Variants in CTC1 observed in about 807,000 individuals in gnomAD.
CTC1 encodes the protein CST telomere replication complex component 1.
CTC1 carries 91 observed loss-of-function variants against 136.3 expected under a neutral mutation model. The ratio of observed to expected loss-of-function variants is 0.67; its 90% CI spans 0.56 to 0.79. The LOEUF is 0.79. CTC1 is among the 30% of genes least tolerant of loss of function. The pLI is 0.00. For synonymous variants in CTC1, 606 were observed against 613.8 expected (o/e 0.99, Z 0.19); for missense variants, 1,432 against 1,498.1 (o/e 0.96, Z 0.73).
chr17:8,242,543 AAAAAAAAAAAAT>A (rs1489501226), intron 2 of CTC1, among the ~76,000 whole-genome samples: 39 of 85,780 alleles, frequency 4.5e-4, no homozygotes, highest in Middle Eastern at 5.3e-3. Flanking sequence ...GAAAAAAAAA[AAAAAAAAAAAAT>A]ATATATATAT....
rs1987936499 is a variant in CTC1 at position 8,238,481 on chromosome 17, T to C, written c.346A>G (p.Thr116Ala). Residue 116 changes from threonine to alanine, a missense_variant, in exon 3 of 23, where the codon ACA becomes GCA. Physicochemically the swap from Thr to Ala is moderately conservative, Grantham distance 58. Transcript: ENST00000651323. ...AAGTCTGCCGATAGGTCTGTTAGTGTCCCTAAAAGTAACAGCTGCTCTCGG... is the reference window on the plus strand; with the variant it reads ...AAGTCTGCCGATAGGTCTGTTAGTGCCCCTAAAAGTAACAGCTGCTCTCGG... Reference protein sequence around the residue: ...LPREQLLLLGTLTDLSADLEQ... With the variant: ...LPREQLLLLGALTDLSADLEQ... The C allele has an allele frequency of 6.2e-7, 1 of 1,614,090 alleles. No homozygotes were observed. The highest frequency in any genetic ancestry group is 1.7e-5 in the Admixed American group (1 of 60,008).
In CTC1 at chr17:8,226,318, A is replaced by T. The variant is rs1029174066; in HGVS notation, c.*1862T>A. ...ACTAAGCCACGGCGCCGAAGCTGCC[A>T]TAAAGGTTCCTGAAATTCATCTACA... On this transcript the variant is annotated 3_prime_UTR_variant, in exon 23 of 23. Transcript: ENST00000651323. 2.6e-5 allele frequency: 4 copies of T among 152,258 alleles called. No individual in the cohort carries two copies. The highest frequency in any genetic ancestry group is 7.2e-5 in the African/African-American group (3 of 41,450). The allele number at this position is 152,258 out of a possible 1,614,324, so 9.4% of individuals were successfully genotyped here.
rs756221416 is a variant in CTC1, at chr17:8,236,067, T to C, written c.1068A>G (p.Leu356=). 14 of 1,613,466 alleles carry C rather than the reference T, an allele frequency of 8.7e-6. No individual in the cohort carries two copies. The highest frequency in any genetic ancestry group is 3.3e-5 in the Admixed American group (2 of 59,986). The change falls in exon 6 of 23, where the codon CTA becomes CTG. Residue 356 remains leucine, a synonymous_variant. Transcript: ENST00000651323. ...PESLVRYSRL[L]SYSGAVTGVL... is the part of the protein sequence containing the mutation. ...CTCTCCCTGTGCTCACCGAATAGGATAGGAGTCTAGAATACCGGACAAGAC... is the reference window on the plus strand; with the variant it reads ...CTCTCCCTGTGCTCACCGAATAGGACAGGAGTCTAGAATACCGGACAAGAC...
Position 8,238,231 on chromosome 17 carries a change from C to T in CTC1, c.447G>A (p.Leu149=), listed in dbSNP as rs2151530784. The change falls in exon 4 of 23, where the codon CTG becomes CTA. Residue 149 remains leucine (L), a synonymous_variant. Coordinates refer to ENST00000651323, the MANE Select transcript of CTC1 (RefSeq NM_025099.6). ...TGVLSCELID[L]DLSWLGHLFL... is the part of the protein sequence containing the mutation. ...AAAGATGGCCCAACCAAGAAAGGTC[C>T]AGGTCTATGAGCTAAGAAAGACCAA... The T allele has an allele frequency of 6.2e-7, 1 of 1,606,892 alleles. No individual in the cohort carries two copies. Among genetic ancestry groups the T allele is most frequent in the East Asian group, 2.2e-5 (1 of 44,748 alleles).
intron 18 of CTC1, among the ~76,000 whole-genome samples, 187 bp downstream of exon 18, chr17:8,229,704 A>G (rs952198269): frequency 6.6e-6 from 1 of 152,212 alleles, no homozygotes; most frequent in African/African-American, 2.4e-5. Flanking sequence ...CTAGAACACT[A>G]AATGATTCTG....
chr17:8,245,054 CA>C (rs1313056357), intron 1 of CTC1, among the ~76,000 whole-genome samples: 1 of 152,136 alleles, frequency 6.6e-6, no homozygotes, highest in Non-Finnish European at 1.5e-5. Context: ...AACAGAAAAC[CA>C]AATACTGCAT....
Position 8,236,238 on chromosome 17 carries a change from C to T in CTC1, c.897G>A (p.Trp299Ter), listed in dbSNP as rs1377355470. The change falls in exon 6 of 23, where the codon TGG becomes TGA. Residue 299 changes from tryptophan (W) to a stop codon, truncating the protein, a stop_gained. Coordinates refer to ENST00000651323, the MANE Select transcript of CTC1 (RefSeq NM_025099.6). LOFTEE classifies it high-confidence loss of function. ...SKIRGQRQHV[W>*]MTSQSSRLLL... Reference sequence around the variant, plus strand: ...ACAGACGGGAGGACTGACTGGTCATCCAAACATGCTGGCGCTGACCACGGA... The same window carrying T: ...ACAGACGGGAGGACTGACTGGTCATTCAAACATGCTGGCGCTGACCACGGA... 9 of 1,614,116 alleles carry T rather than the reference C, an allele frequency of 5.6e-6. No individual in the cohort carries two copies. Among genetic ancestry groups the T allele is most frequent in the Non-Finnish European group, 7.6e-6 (9 of 1,180,054 alleles).
rs201891953 is a variant in CTC1 at position 8,232,096 on chromosome 17, C to T, written c.2192G>A (p.Arg731Gln). 6.2e-4 allele frequency: 956 copies of T among 1,548,548 alleles called. No individual in the cohort carries two copies. The highest frequency in any genetic ancestry group is 6.9e-4 in the Non-Finnish European group (798 of 1,153,112). The stretch of plus-strand genomic sequence containing the variant: ...CTCCTTGTGGCAGAGCAAGAAGAGC[C>T]GGCTCTGTCCTAGGTGGGGTCCCTC... Reference protein sequence around the residue: ...GPEGPHLGQSRLFLLCHKEAL... With the variant: ...GPEGPHLGQSQLFLLCHKEAL... The change falls in exon 13 of 23, where the codon CGG becomes CAG. Residue 731 changes from arginine (R) to glutamine (Q), a missense_variant. Coordinates refer to ENST00000651323, the MANE Select transcript of CTC1 (RefSeq NM_025099.6).
chr17:8,234,984 C>T (rs1341189342), intron 8 of CTC1, 58 bp from the exon 9 acceptor site: 2 of 1,600,476 alleles, frequency 1.2e-6, no homozygotes, highest in African/African-American at 2.7e-5. Context: ...CTTCAAGAAT[C>T]CTGCTCTCCT....
At chr17:8,242,393 C>T (rs1988302980) in intron 2 of CTC1, among the ~76,000 whole-genome samples, 1 of 151,818 alleles carries the variant, frequency 6.6e-6, no homozygotes, top group Admixed American at 6.6e-5. Flanking sequence ...GTCATAGCCT[C>T]TAATATGTTA....
chr17:8,241,849 C>CA (rs59476896), intron 2 of CTC1, among the ~76,000 whole-genome samples: 56,120 of 96,380 alleles, frequency 0.58, 16,546 homozygotes, highest in South Asian at 0.72. Flanking sequence ...GACCCTGTCT[C>CA]AAAAAAAAAA....
rs374123230 is a variant in CTC1 at position 8,238,187 on chromosome 17, C to T, written c.491G>A (p.Ser164Asn). ...ATTCCACCTGGCAGGAGGGAGGTAA[C>T]TCCAACGGGGGAACAGAAAAAGATG... The part of the protein sequence containing the change: ...LGHLFLFPRW[S>N]YLPPARWNSS... Residue 164 changes from serine to asparagine, a missense_variant, in exon 4 of 23, where the codon AGT (serine) becomes AAT (asparagine). Transcript: ENST00000651323. 6.2e-7 allele frequency: 1 copy of T among 1,613,324 alleles called. No individual in the cohort carries two copies. The highest frequency in any genetic ancestry group is 8.5e-7 in the Non-Finnish European group (1 of 1,179,352).
intron 5 of CTC1, 124 bp downstream of exon 5, chr17:8,237,251 C>G (rs903253799): frequency 9.2e-6 from 10 of 1,092,322 alleles, no homozygotes; most frequent in South Asian, 2.8e-5. Context: ...CAGCGCTATT[C>G]CAGAAAACAG....
Position 8,239,058 on chromosome 17 carries a change from C to T in CTC1, c.198-429G>A, listed in dbSNP as rs1018719864. On this transcript the variant is annotated intron_variant, in intron 2 of 22. Transcript: ENST00000651323. Reference sequence around the variant, plus strand: ...AGTGAGCTGAGATCACGCCACTGCACTCCAGCTTGGGCAACAGAGTGAGAC... The same window carrying T: ...AGTGAGCTGAGATCACGCCACTGCATTCCAGCTTGGGCAACAGAGTGAGAC... Among the ~76,000 whole-genome samples, 83 of 144,356 alleles carry T rather than the reference C, an allele frequency of 5.7e-4. No homozygotes were observed. In the Admixed American group the frequency reaches 5.8e-3, roughly 10 times the overall value. The allele number at this position is 144,356 out of a possible 152,430, so 94.7% of individuals were successfully genotyped here.
rs746591399 is a variant in CTC1 at position 8,231,445 on chromosome 17, C to T, written c.2500G>A (p.Gly834Ser). The T allele has an allele frequency of 4.3e-6, 7 of 1,610,444 alleles. No individual in the cohort carries two copies. Among genetic ancestry groups the T allele is most frequent in the Non-Finnish European group, 5.9e-6 (7 of 1,178,300 alleles). ...PATPMLFEKD[G>S]SSCISRRPLE... Reference sequence around the variant, plus strand: ...GGACGCCGAGATATGCAGGATGAACCATCCTTTTCAAACAACATTGGTGTC... The same window carrying T: ...GGACGCCGAGATATGCAGGATGAACTATCCTTTTCAAACAACATTGGTGTC... Residue 834 changes from glycine (G) to serine (S), a missense_variant, in exon 15 of 23, where the codon GGT becomes AGT. Coordinates refer to ENST00000651323, the MANE Select transcript of CTC1 (RefSeq NM_025099.6).
intron 11 of CTC1, 32 bp downstream of exon 11, chr17:8,232,874 T>C (rs1987365501): frequency 6.2e-7 from 1 of 1,610,826 alleles, no homozygotes; most frequent in African/African-American, 1.3e-5. Context: ...ACCATCCCAC[T>C]ACCATCTTCT....
intron 2 of CTC1, among the ~76,000 whole-genome samples, chr17:8,240,006 A>G (rs1988074436): frequency 6.6e-6 from 1 of 152,168 alleles, no homozygotes; most frequent in Non-Finnish European, 1.5e-5. Context: ...AAAACCCTGT[A>G]AACACCACCA....
In CTC1 at chr17:8,228,733, T is replaced by C. The variant is rs772946559; in HGVS notation, c.3381A>G (p.Gln1127=). 3.1e-6 allele frequency: 5 copies of C among 1,613,958 alleles called. No individual in the cohort carries two copies. The highest frequency in any genetic ancestry group is 2.2e-5 in the South Asian group (2 of 91,074). The change falls in exon 21 of 23, where the codon CAA becomes CAG. Residue 1127 remains glutamine (Q), a synonymous_variant. Coordinates refer to ENST00000651323, the MANE Select transcript of CTC1 (RefSeq NM_025099.6). ...VVLQFAGPGA[Q]LESSARVDEP... ...CCTCCCAGCCACATTACACCTCAAG[T>C]TGGGCTCCAGGCCCTGCAAACTGCA...
intron 14 of CTC1, 43 bp from the exon 15 acceptor site, chr17:8,231,512 G>T: frequency 6.5e-7 from 1 of 1,537,888 alleles, no homozygotes; most frequent in Non-Finnish European, 8.8e-7. Context: ...GTGTGTGCTA[G>T]TCCAGTGGGA....
Sources: gnomAD v4.1 joint callset for allele counts (sites outside exome capture counted in the v4.1 genomes callset) on GRCh38, gnomAD v4.1.1 for gene constraint, MANE v1.5 for transcripts, NCBI Gene and HGNC (gene_info 2026-07-23, HGNC 2026-07-21) for gene names.